Variants in CELF2 observed in about 807,000 individuals in gnomAD.
CELF2 encodes the protein CUGBP Elav-like family member 2.
Under a neutral mutation model 62.6 loss-of-function variants are expected in CELF2, and 8 were observed. The observed-to-expected ratio is 0.13, with a 90% confidence interval of 0.07 to 0.23. The LOEUF (loss-of-function observed/expected upper bound fraction) is 0.23. Ranked by LOEUF, CELF2 falls within the 10% of genes least tolerant of loss-of-function variation. The probability of loss-of-function intolerance (pLI) is 1.00; values close to 1 mark genes in which losing one functional copy is unlikely to be tolerated. For synonymous variants in CELF2, 258 were observed against 250.0 expected, an observed-to-expected ratio of 1.03 and a Z score of -0.30; for missense variants, 333 against 671.0, an observed-to-expected ratio of 0.50 and a Z score of 5.56.
At chr10:11,147,902 C>T (rs1040926797) in intron 1 of CELF2, among the ~76,000 whole-genome samples, 5 of 152,222 alleles carry the variant, frequency 3.3e-5, no homozygotes, top group African/African-American at 4.8e-5. Context: ...GGCAAGATTT[C>T]CTTCCTCCCA....
chr10:10,557,281 T>C, the CELF2 span, among the ~76,000 whole-genome samples: 1 of 150,090 alleles, frequency 6.7e-6, no homozygotes, highest in African/African-American at 2.5e-5. Flanking sequence ...CACCATTTAT[T>C]AAATAGGGAA....
At position 11,297,527 on chromosome 10, in the gene CELF2, G is replaced by C. The variant is rs192143788; in HGVS notation, c.976+8975G>C. Among the ~76,000 whole-genome samples the C allele has an allele frequency of 6.6e-6, 1 of 152,150 alleles. No individual in the cohort carries two copies. The highest frequency in any genetic ancestry group is 6.5e-5 in the Admixed American group (1 of 15,282). ...AGCCAAGCAGGATGGGGCTGGAGGA[G>C]GAAAAGGCAGAAAGAGCTGACTGAA... On this transcript the variant is annotated intron_variant, in intron 9 of 12. Transcript: ENST00000633077. This position sits in a 1 kb window ranked among gnomAD's most constrained non-coding sequence, Gnocchi z 4.4.
chr10:10,787,418 C>T, the CELF2 span, among the ~76,000 whole-genome samples: 1 of 152,076 alleles, frequency 6.6e-6, no homozygotes, highest in East Asian at 1.9e-4. Context: ...TAGAGTAAAA[C>T]AGAGAAATTA....
chr10:10,802,904 C>G (rs2054815972), intron 1 of CELF2, among the ~76,000 whole-genome samples: 3 of 152,206 alleles, frequency 2.0e-5, no homozygotes, highest in African/African-American at 7.2e-5. Context: ...TAAACTCTAT[C>G]TATAATGTCC....
chr10:10,701,184 G>A, the CELF2 span, among the ~76,000 whole-genome samples: 431 of 152,346 alleles, frequency 2.8e-3, 2 homozygotes, highest in African/African-American at 1.0e-2. Flanking sequence ...AGGGAGCTGG[G>A]AGAAAGGAGA....
At chr10:10,619,022 C>G in the CELF2 span, among the ~76,000 whole-genome samples, 1 of 152,204 alleles carries the variant, frequency 6.6e-6, no homozygotes, top group Non-Finnish European at 1.5e-5. Context: ...CTGGCTGGCG[C>G]CATGTTGCCT....
the CELF2 span, among the ~76,000 whole-genome samples, chr10:10,486,595 A>G: frequency 2.0e-5 from 3 of 152,232 alleles, no homozygotes; most frequent in Admixed American, 1.3e-4. Flanking sequence ...TTTGCATTAT[A>G]CTTACCTGAT....
chr10:11,083,545 A>ATACCTATTTCAT (rs2074597591), intron 1 of CELF2, among the ~76,000 whole-genome samples: 18 of 152,190 alleles, frequency 1.2e-4, no homozygotes, highest in Admixed American at 1.2e-3. Context: ...AGTTTTTACT[A>ATACCTATTTCAT]AGGTAATGTT....
chr10:10,629,116 C>A, the CELF2 span, among the ~76,000 whole-genome samples: 1 of 152,136 alleles, frequency 6.6e-6, no homozygotes, highest in Admixed American at 6.5e-5. Context: ...AACTTCTGTG[C>A]CCTAACTTTG....
intron 9 of CELF2, among the ~76,000 whole-genome samples, chr10:11,293,765 G>A (rs2092819090): frequency 6.6e-6 from 1 of 152,118 alleles, no homozygotes; most frequent in Non-Finnish European, 1.5e-5. Flanking sequence ...ATCTGGAGCA[G>A]CACATCAGAC....
chr10:11,286,275 A>G (rs1009427737), intron 8 of CELF2, among the ~76,000 whole-genome samples: 3 of 152,200 alleles, frequency 2.0e-5, no homozygotes, highest in African/African-American at 7.2e-5. Flanking sequence ...CCGCTGGCCT[A>G]AGCCTAGAAT....
intron 3 of CELF2, among the ~76,000 whole-genome samples, chr10:11,231,646 G>GAAA (rs11384558): frequency 6.9e-6 from 1 of 145,424 alleles, no homozygotes; most frequent in Admixed American, 6.8e-5. Context: ...TAACTCTTCA[G>GAAA]AAAAAAAAAA....
At chr10:10,953,898 G>A (rs1022202456) in intron 2 of CELF2, among the ~76,000 whole-genome samples, 1 of 151,490 alleles carries the variant, frequency 6.6e-6, no homozygotes, top group Middle Eastern at 3.4e-3. Context: ...ATATATCAAG[G>A]GTTGATACAA....
At chr10:11,273,529 T>C (rs1208725939) in intron 7 of CELF2, among the ~76,000 whole-genome samples, 2 of 151,998 alleles carry the variant, frequency 1.3e-5, no homozygotes, top group Non-Finnish European at 1.5e-5. Flanking sequence ...GCCAAAAAGG[T>C]TGGGGACTGC....
At chr10:10,694,583 C>T in the CELF2 span, among the ~76,000 whole-genome samples, 8 of 151,932 alleles carry the variant, frequency 5.3e-5, no homozygotes, top group African/African-American at 9.7e-5. Context: ...CTTTCTGTCT[C>T]GTTGATCTGT....
intron 1 of CELF2, among the ~76,000 whole-genome samples, chr10:10,832,681 G>T (rs1055710152): frequency 6.6e-6 from 1 of 152,152 alleles, no homozygotes. Flanking sequence ...TCCCATACCG[G>T]ATCCATTTAC....
At chr10:10,481,128 C>T in the CELF2 span, among the ~76,000 whole-genome samples, 20 of 152,264 alleles carry the variant, frequency 1.3e-4, no homozygotes, top group East Asian at 1.2e-3. Context: ...GAATGTTCTT[C>T]CCCGCTCCTT....
At chr10:10,896,389 A>T (rs2134007859) in intron 1 of CELF2, among the ~76,000 whole-genome samples, 1 of 152,328 alleles carries the variant, frequency 6.6e-6, no homozygotes, top group Middle Eastern at 3.4e-3. Context: ...ATAAAAAAAG[A>T]TACACCATGT....
chr10:10,992,618 C>A (rs374370473), intron 2 of CELF2, among the ~76,000 whole-genome samples: 2 of 151,926 alleles, frequency 1.3e-5, no homozygotes. Flanking sequence ...GGATGAAGTA[C>A]GGAGAAATAT....
Sources: gnomAD v4.1 joint callset for allele counts (sites outside exome capture counted in the v4.1 genomes callset) on GRCh38, gnomAD v4.1.1 for gene constraint, Gnocchi (gnomAD v3.1) non-coding constraint, MANE v1.5 for transcripts, NCBI Gene and HGNC (gene_info 2026-07-23, HGNC 2026-07-21) for gene names.